The following CNTN5 variants were observed in gnomAD, a reference collection of about 807,000 sequenced individuals.
CNTN5 encodes the protein contactin-5.
Under a neutral mutation model 129.1 loss-of-function variants are expected in CNTN5, and 77 were observed. The ratio of observed to expected loss-of-function variants is 0.60; its 90% CI spans 0.50 to 0.72. CNTN5 has a LOEUF of 0.72. CNTN5 is among the 30% of genes least tolerant of loss of function. CNTN5 has a pLI of 0.00. For missense variants in CNTN5, 1,478 were observed against 1,328.8 expected (o/e 1.11, Z -1.75); for synonymous variants, 509 against 465.6 (o/e 1.09, Z -1.20).
intron 1 of CNTN5, among the ~76,000 whole-genome samples, chr11:99,281,625 C>G (rs906769346): frequency 6.6e-6 from 1 of 151,874 alleles, no homozygotes; most frequent in Non-Finnish European, 1.5e-5. Flanking sequence ...ACTTCTATGT[C>G]ATCATTAGCT....
rs774797660 is a variant in CNTN5 at position 99,382,844 on chromosome 11, A to ATTT, written c.-71+57360_-71+57361insTTT. On this transcript the variant is annotated intron_variant, in intron 2 of 24. Transcript: ENST00000524871. ...CACATCTCACTAGTGTCTCTAAATA[A>ATTT]CTTTTTTTTTTTTTTTTTTTTTTTT... 1.0e-3 allele frequency among the ~76,000 whole-genome samples: 70 copies of ATTT among 69,408 alleles called. 2 individuals are homozygous for ATTT. The highest frequency in any genetic ancestry group is 1.2e-3 in the Non-Finnish European group (49 of 42,148). The allele number at this position is 69,408 out of a possible 152,430, so 45.5% of individuals were successfully genotyped here.
chr11:100,185,435 C>T (rs543047922), intron 13 of CNTN5, among the ~76,000 whole-genome samples: 21 of 152,228 alleles, frequency 1.4e-4, no homozygotes, highest in African/African-American at 4.8e-4. Flanking sequence ...CATCAGTGGG[C>T]TCCCTTGTCC....
chr11:99,773,624 T>C (rs1945018778), intron 3 of CNTN5, among the ~76,000 whole-genome samples: 1 of 152,122 alleles, frequency 6.6e-6, no homozygotes, highest in African/African-American at 2.4e-5. Flanking sequence ...TATAATTTTA[T>C]TGTCTTCATA....
At chr11:99,609,845 G>A (rs1022535011) in intron 3 of CNTN5, among the ~76,000 whole-genome samples, 1 of 152,000 alleles carries the variant, frequency 6.6e-6, no homozygotes, top group Non-Finnish European at 1.5e-5. Flanking sequence ...CTTTTTGCAA[G>A]GTCCTTAGTT....
At chr11:99,168,024 C>T (rs541842792) in intron 1 of CNTN5, among the ~76,000 whole-genome samples, 1 of 152,076 alleles carries the variant, frequency 6.6e-6, no homozygotes, top group African/African-American at 2.4e-5. Flanking sequence ...CCTCTTCCAC[C>T]TCCTGTACTC....
chr11:100,124,232 A>G (rs969204821), intron 13 of CNTN5, among the ~76,000 whole-genome samples: 2 of 152,078 alleles, frequency 1.3e-5, no homozygotes, highest in African/African-American at 4.8e-5. Flanking sequence ...ATATGAGCCC[A>G]GGCATTATGA....
chr11:99,868,268 A>G (rs1948409518), intron 6 of CNTN5, among the ~76,000 whole-genome samples: 1 of 152,144 alleles, frequency 6.6e-6, no homozygotes, highest in African/African-American at 2.4e-5. Flanking sequence ...ATCAGAGAAC[A>G]AAGCATTGTA....
At chr11:99,726,473 C>A (rs1018659599) in intron 3 of CNTN5, among the ~76,000 whole-genome samples, 1 of 152,060 alleles carries the variant, frequency 6.6e-6, no homozygotes, top group Non-Finnish European at 1.5e-5. Context: ...ACTAGCAAAA[C>A]GAAATAGAAC....
At chr11:99,024,575 A>C (rs974263881) in intron 1 of CNTN5, among the ~76,000 whole-genome samples, 3 of 152,072 alleles carry the variant, frequency 2.0e-5, no homozygotes, top group African/African-American at 7.2e-5. Flanking sequence ...TATGTCTATT[A>C]ATCCCCATAA....
intron 3 of CNTN5, among the ~76,000 whole-genome samples, chr11:99,743,427 A>T (rs967681543): frequency 6.6e-6 from 1 of 152,168 alleles, no homozygotes; most frequent in Admixed American, 6.5e-5. Flanking sequence ...AGTAGAACCA[A>T]CTTACTTATG....
chr11:100,175,895 T>C (rs1039545578), intron 13 of CNTN5, among the ~76,000 whole-genome samples: 1 of 152,124 alleles, frequency 6.6e-6, no homozygotes, highest in Non-Finnish European at 1.5e-5. Context: ...GGCTCTCTTA[T>C]TTTTTTAAGA....
At chr11:99,246,046 A>G (rs1460706333) in intron 1 of CNTN5, among the ~76,000 whole-genome samples, 1 of 152,172 alleles carries the variant, frequency 6.6e-6, no homozygotes, top group African/African-American at 2.4e-5. Flanking sequence ...TTATACTCAT[A>G]AACTTGGTTA....
At chr11:99,789,916 T>C (rs1487115560) in intron 3 of CNTN5, among the ~76,000 whole-genome samples, 2 of 152,052 alleles carry the variant, frequency 1.3e-5, no homozygotes, top group Non-Finnish European at 2.9e-5. Flanking sequence ...TTTCAACTCT[T>C]TCTCTATCTC....
chr11:99,091,840 G>T (rs1009914743), intron 1 of CNTN5, among the ~76,000 whole-genome samples: 1 of 152,158 alleles, frequency 6.6e-6, no homozygotes, highest in African/African-American at 2.4e-5. Flanking sequence ...GATACGAGGA[G>T]AAAAAGCCAA....
chr11:100,001,910 A>G lies in CNTN5; in HGVS notation c.878-124A>G. Reference sequence around the variant, plus strand: ...ACTACTTATTTCAATACATCGAAAAATTTAACAGTCATCAAACAGACATTA... The same window carrying G: ...ACTACTTATTTCAATACATCGAAAAGTTTAACAGTCATCAAACAGACATTA... On this transcript the variant is annotated intron_variant, in intron 8 of 24. Transcript: ENST00000524871. 5.9e-6 allele frequency: 4 copies of G among 682,784 alleles called. No homozygotes were observed. In the South Asian group the frequency reaches 7.6e-5, roughly 13 times the overall value. 42.3% of individuals were successfully genotyped at this position (682,784 alleles called of 1,614,324 possible).
intron 1 of CNTN5, among the ~76,000 whole-genome samples, chr11:99,243,736 ATTTTT>A (rs35250111): frequency 2.5e-5 from 3 of 117,690 alleles, no homozygotes; most frequent in Non-Finnish European, 5.4e-5. Context: ...CCTATTGCTT[ATTTTT>A]TTTTTTTTTT....
chr11:99,995,553 A>G (rs546359046), intron 8 of CNTN5, among the ~76,000 whole-genome samples: 24 of 152,260 alleles, frequency 1.6e-4, no homozygotes, highest in African/African-American at 5.5e-4. Flanking sequence ...CATATCTTAA[A>G]GAATTTATCT....
intron 15 of CNTN5, among the ~76,000 whole-genome samples, chr11:100,210,317 T>C (rs1472233511): frequency 2.3e-5 from 3 of 129,548 alleles, no homozygotes; most frequent in East Asian, 2.5e-4. Context: ...GCCACTGCAC[T>C]CCAACCTGGG....
chr11:100,357,269 C>T lies in CNTN5; in HGVS notation c.*1049C>T, dbSNP rs937449925. 1 of 151,638 alleles carries T rather than the reference C, an allele frequency of 6.6e-6. No homozygotes were observed. The highest frequency in any genetic ancestry group is 2.4e-5 in the African/African-American group (1 of 41,344). The allele number at this position is 151,638 out of a possible 1,614,324, so 9.4% of individuals were successfully genotyped here. On this transcript the variant is annotated 3_prime_UTR_variant, in exon 25 of 25. Coordinates refer to ENST00000524871, the MANE Select transcript of CNTN5 (RefSeq NM_014361.4). The stretch of plus-strand genomic sequence containing the variant: ...AAAAACAGTTCCATGCATCACATAC[C>T]ACTGATAAAATCAACTAGTAAAATA...
Sources: gnomAD v4.1 joint callset for allele counts (sites outside exome capture counted in the v4.1 genomes callset) on GRCh38, gnomAD v4.1.1 for gene constraint, MANE v1.5 for transcripts, NCBI Gene and HGNC (gene_info 2026-07-23, HGNC 2026-07-21) for gene names.